Variants in CSPG4 observed in about 807,000 individuals in gnomAD.
The protein encoded by CSPG4 is chondroitin sulfate proteoglycan 4.
Under a neutral mutation model 139.3 loss-of-function variants are expected in CSPG4, and 74 were observed. The ratio of observed to expected loss-of-function variants is 0.53; its 90% CI spans 0.44 to 0.64. The LOEUF (loss-of-function observed/expected upper bound fraction) is 0.64. Ranked by LOEUF, CSPG4 falls within the 30% of genes least tolerant of loss-of-function variation. The pLI is 0.00. For missense variants in CSPG4, 2,565 were observed against 3,148.3 expected, an observed-to-expected ratio of 0.81 and a Z score of 4.43; for synonymous variants, 1,234 against 1,394.2, an observed-to-expected ratio of 0.89 and a Z score of 2.56.
At chr15:75,697,556 C>A (rs1341949012) in intron 1 of CSPG4, among the ~76,000 whole-genome samples, 1 of 152,248 alleles carries the variant, frequency 6.6e-6, no homozygotes, top group Non-Finnish European at 1.5e-5. Flanking sequence ...GGCACCCCCA[C>A]TGTACCCCAC....
chr15:75,679,686 A>C (rs12898809), intron 8 of CSPG4: 76,583 of 151,430 alleles, frequency 0.51, 19,755 homozygotes, highest in Middle Eastern at 0.61. Flanking sequence ...CTCCCCACCC[A>C]CCCTTTTTTT....
At position 75,687,918 on chromosome 15, in the gene CSPG4, C is replaced by T. The variant is rs142273329; in HGVS notation, c.3147G>A (p.Ser1049=). ...GCACCAGCTGGGCGTCAGCAAAGCC[C>T]GAGTCAGCATCGCTGAAGGCCACGT... ...TDDVAFSDAD[S]GFADAQLVLT... The change falls in exon 3 of 10, where the codon TCG becomes TCA. Residue 1049 remains serine, a synonymous_variant. Transcript: ENST00000308508. This position sits in a 1 kb window ranked among gnomAD's most constrained non-coding sequence, Gnocchi z 5.4. 577 of 1,612,950 alleles carry T rather than the reference C, an allele frequency of 3.6e-4. 1 individual carries two copies. Among genetic ancestry groups the T allele is most frequent in the African/African-American group, 1.1e-3 (84 of 75,066 alleles).
intron 3 of CSPG4, among the ~76,000 whole-genome samples, chr15:75,686,782 C>G (rs1164516884): frequency 1.3e-5 from 2 of 152,198 alleles, no homozygotes; most frequent in Non-Finnish European, 2.9e-5. Context: ...AGTCAGTGAG[C>G]CTGCTGGAGG....
chr15:75,692,142 C>T (rs953203049), intron 2 of CSPG4, among the ~76,000 whole-genome samples: 11 of 152,136 alleles, frequency 7.2e-5, no homozygotes, highest in Admixed American at 5.2e-4. Context: ...TCACCATGCC[C>T]GGCTAATTTT....
rs1490415850 is a variant in CSPG4, at chr15:75,697,234, T to G, written c.89-4001A>C. Reference sequence around the variant, plus strand: ...CCTCCGGCCATCCCTGCTGCCAGGCTCTGCCTCTGCTCCCCCTGGTCTCCC... The same window carrying G: ...CCTCCGGCCATCCCTGCTGCCAGGCGCTGCCTCTGCTCCCCCTGGTCTCCC... On this transcript the variant is annotated intron_variant, in intron 1 of 9. Transcript: ENST00000308508. 4.6e-5 allele frequency among the ~76,000 whole-genome samples: 7 copies of G among 152,202 alleles called. No homozygotes were observed. In the East Asian group the frequency reaches 1.2e-3, roughly 25 times the overall value.
At position 75,689,965 on chromosome 15, in the gene CSPG4, A is replaced by G; in HGVS notation, c.1100T>C (p.Leu367Pro). ...DLSVNGQRRGLREALLTRNMA... is the reference protein window; with the variant it reads ...DLSVNGQRRGPREALLTRNMA... ...GTTGCGCGTCAGCAAAGCTTCCCGC[A>G]GCCCCCGCCTCTGGCCATTGACACT... Residue 367 changes from leucine to proline, a missense_variant, in exon 3 of 10, where the codon CTG becomes CCG. Around this residue, in one of 5 missense-constraint regions of CSPG4, gnomAD observed 2,316 missense variants for 2,818.2 expected, o/e 0.82. Coordinates refer to ENST00000308508, the MANE Select transcript of CSPG4 (RefSeq NM_001897.5). 4 of 1,610,632 alleles carry G rather than the reference A, an allele frequency of 2.5e-6. No homozygotes were observed. Among genetic ancestry groups the G allele is most frequent in the Non-Finnish European group, 3.4e-6 (4 of 1,178,586 alleles).
chr15:75,701,024 T>A (rs1178206430), intron 1 of CSPG4, among the ~76,000 whole-genome samples: 1 of 152,132 alleles, frequency 6.6e-6, no homozygotes, highest in African/African-American at 2.4e-5. Flanking sequence ...TGTGCTTCCA[T>A]GCTTTCCCTG....
At chr15:75,681,276 A>G (rs1893969903) in intron 8 of CSPG4, among the ~76,000 whole-genome samples, 1 of 152,192 alleles carries the variant, frequency 6.6e-6, no homozygotes, top group Non-Finnish European at 1.5e-5. Context: ...CTTGCTGGGC[A>G]GGGACTTTGC....
At chr15:75,709,164 T>C (rs951747566) in intron 1 of CSPG4, among the ~76,000 whole-genome samples, 3 of 152,160 alleles carry the variant, frequency 2.0e-5, no homozygotes, top group African/African-American at 7.2e-5. Context: ...ACAAAATTGT[T>C]CATACAAATT....
chr15:75,684,191 A>G (rs1158142387), intron 5 of CSPG4, among the ~76,000 whole-genome samples: 1 of 152,222 alleles, frequency 6.6e-6, no homozygotes, highest in African/African-American at 2.4e-5. Context: ...CTGTTCCACC[A>G]GAACTACTTT....
rs956014298 is a variant in CSPG4 at position 75,696,460 on chromosome 15, G to T, written c.89-3227C>A. 3.9e-5 allele frequency among the ~76,000 whole-genome samples: 6 copies of T among 152,128 alleles called. No individual in the cohort carries two copies. The highest frequency in any genetic ancestry group is 1.4e-4 in the African/African-American group (6 of 41,416). On this transcript the variant is annotated intron_variant, in intron 1 of 9. Transcript: ENST00000308508. This position sits in a 1 kb window ranked among gnomAD's most constrained non-coding sequence, Gnocchi z 4.2. ...TATTTGTGTGTGCGCAAGCATGTGG[G>T]TGGCTGCTGGGGGTGTGCTTTGGGT...
rs960978084 is a variant in CSPG4 at position 75,677,388 on chromosome 15, G to A, written c.5135-4C>T. 1.4e-6 allele frequency: 2 copies of A among 1,398,796 alleles called. No homozygotes were observed. Among genetic ancestry groups the A allele is most frequent in the Non-Finnish European group, 1.9e-6 (2 of 1,073,340 alleles). 86.6% of individuals were successfully genotyped at this position (1,398,796 alleles called of 1,614,324 possible). A position where few individuals can be genotyped will look rare whatever the true frequency, so the allele number is the denominator to read the frequency against. ...TGGCCCTCGGGGACCCAGAGACCTG[G>A]GGGTGGGACATAGGCTATGAGGGTC... On this transcript the variant is annotated splice_region_variant and splice_polypyrimidine_tract_variant and intron_variant, in intron 9 of 9. Transcript: ENST00000308508.
rs1476754730 is a variant in CSPG4, at chr15:75,682,730, C to T, written c.4660G>A (p.Gly1554Arg). 4 of 1,612,786 alleles carry T rather than the reference C, an allele frequency of 2.5e-6. No individual in the cohort carries two copies. In the Admixed American group the frequency reaches 6.7e-5, roughly 27 times the overall value. The change falls in exon 7 of 10, where the codon GGA becomes AGA. Residue 1554 changes from glycine (G) to arginine (R), a missense_variant. Gly to Arg is a moderately radical substitution (Grantham distance 125). This residue lies in a region of CSPG4 where 2,316 missense variants were observed against 2,818.2 expected (regional missense o/e 0.82). Coordinates refer to ENST00000308508, the MANE Select transcript of CSPG4 (RefSeq NM_001897.5). ...TCAGAGAGGCGGAAGCGGAAGCCTC[C>T]ATCCAGGGTTCCTGGGGACAGGGGC... ...VLFSHRGTLD[G>R]GFRFRLSDGE...
intron 1 of CSPG4, among the ~76,000 whole-genome samples, chr15:75,693,847 G>A (rs1210589213): frequency 2.0e-5 from 3 of 152,254 alleles, no homozygotes; most frequent in Non-Finnish European, 4.4e-5. Flanking sequence ...TCTCTCTCAG[G>A]CCATTCTTCC....
chr15:75,691,674 T>G (rs1894166710), intron 2 of CSPG4, among the ~76,000 whole-genome samples: 1 of 152,222 alleles, frequency 6.6e-6, no homozygotes, highest in Middle Eastern at 3.4e-3. Context: ...TGGAAGGAGA[T>G]CTTGGGGAGA....
In CSPG4 at chr15:75,684,774, C is replaced by T. The variant is rs548816547; in HGVS notation, c.4411G>A (p.Asp1471Asn). The T allele has an allele frequency of 1.2e-6, 2 of 1,613,750 alleles. No individual in the cohort carries two copies. Among genetic ancestry groups the T allele is most frequent in the South Asian group, 2.2e-5 (2 of 91,062 alleles). Residue 1471 changes from aspartate to asparagine, a missense_variant, in exon 5 of 10, where the codon GAC (aspartate) becomes AAC (asparagine). By Grantham distance (23) the Asp-to-Asn change is conservative (BLOSUM62 1). This residue lies in a region of CSPG4 where 2,316 missense variants were observed against 2,818.2 expected (regional missense o/e 0.82). Transcript: ENST00000308508. ...TTTGTAGTGAGGATGGGGGGTTGGT[C>T]ATTGACAGGCAGGACAGTGACAGTG... Reference protein sequence around the residue: ...AFTVTVLPVNDQPPILTTNTG... With the variant: ...AFTVTVLPVNNQPPILTTNTG...
Position 75,687,065 on chromosome 15 carries a change from C to T in CSPG4, c.3789+211G>A, listed in dbSNP as rs553081971. Among the ~76,000 whole-genome samples the T allele has an allele frequency of 7.2e-4, 109 of 151,394 alleles. 2 individuals carry two copies. The South Asian group carries it at 0.015, about 20-fold the overall frequency. ...CATGAGTGGACACAACCTCTGGAGG[C>T]GCACACAACTCCCAGGAGGATGGGT... On this transcript the variant is annotated intron_variant, in intron 3 of 9. Coordinates refer to ENST00000308508, the MANE Select transcript of CSPG4 (RefSeq NM_001897.5). The surrounding 1 kb of genome is among the most constrained non-coding windows in gnomAD (Gnocchi z 5.4).
chr15:75,683,863 C>T (rs1483056387), intron 5 of CSPG4, among the ~76,000 whole-genome samples: 1 of 152,216 alleles, frequency 6.6e-6, no homozygotes, highest in Non-Finnish European at 1.5e-5. Context: ...GGCAGGACCC[C>T]AGCACTAGGC....
chr15:75,689,258 C>A lies in CSPG4; in HGVS notation c.1807G>T (p.Val603Leu), dbSNP rs1029540219. Residue 603 changes from valine (V) to leucine (L), a missense_variant, in exon 3 of 10, where the codon GTG (valine) becomes TTG (leucine). Around this residue, in one of 5 missense-constraint regions of CSPG4, gnomAD observed 2,316 missense variants for 2,818.2 expected, o/e 0.82. Coordinates refer to ENST00000308508, the MANE Select transcript of CSPG4 (RefSeq NM_001897.5). ...QVLGTSSGLP[V>L]ERRDQPGEPA... is the part of the protein sequence containing the mutation. ...TCCCCAGGCTGGTCTCGGCGCTCCA[C>A]GGGGAGGCCAGAGGAGGTGCCAAGG... 1.4e-5 allele frequency: 23 copies of A among 1,610,614 alleles called. No homozygotes were observed. Among genetic ancestry groups the A allele is most frequent in the Non-Finnish European group, 1.9e-5 (23 of 1,179,708 alleles).
Sources: allele counts gnomAD v4.1 joint callset (sites outside exome capture counted in the v4.1 genomes callset), GRCh38; gene constraint gnomAD v4.1.1; regional missense constraint gnomAD v4.1.1; non-coding constraint Gnocchi (gnomAD v3.1); transcripts MANE v1.5; gene names NCBI Gene and HGNC (gene_info 2026-07-23, HGNC 2026-07-21).